Variants in MCMBP observed in about 807,000 individuals in gnomAD.
MCMBP encodes the protein minichromosome maintenance complex binding protein.
MCMBP carries 31 observed loss-of-function variants against 81.3 expected under a neutral mutation model. The ratio of observed to expected loss-of-function variants is 0.38; its 90% CI spans 0.29 to 0.51. MCMBP has a LOEUF of 0.51. MCMBP is among the 20% of genes least tolerant of loss of function. The pLI is 0.87. For synonymous variants in MCMBP, 267 were observed against 275.9 expected (o/e 0.97, Z 0.32); for missense variants, 645 against 772.1 (o/e 0.84, Z 1.95).
chr10:119,843,767 T>G (rs1421782790), intron 8 of MCMBP, among the ~76,000 whole-genome samples: 1 of 152,172 alleles, frequency 6.6e-6, no homozygotes, highest in Non-Finnish European at 1.5e-5. Context: ...GTTCAAGCGA[T>G]TCTCATGCCT....
At chr10:119,839,690 A>G (rs1331970622) in intron 11 of MCMBP, among the ~76,000 whole-genome samples, 1 of 152,234 alleles carries the variant, frequency 6.6e-6, no homozygotes, top group African/African-American at 2.4e-5. Flanking sequence ...TGCGAGACTA[A>G]TGAATTTTAC....
chr10:119,872,309 G>C (rs1343185046), intron 1 of MCMBP, among the ~76,000 whole-genome samples: 3 of 151,896 alleles, frequency 2.0e-5, no homozygotes, highest in Non-Finnish European at 4.4e-5. Flanking sequence ...GCTGCGACTC[G>C]GGCAGGTGGG....
At position 119,832,779 on chromosome 10, in the gene MCMBP, T is replaced by G. The variant is rs988492298; in HGVS notation, c.1708-679A>C. Among the ~76,000 whole-genome samples the G allele has an allele frequency of 4.3e-4, 66 of 152,176 alleles. 2 individuals carry two copies. The highest frequency in any genetic ancestry group is 4.3e-3 in the Admixed American group (66 of 15,276). On this transcript the variant is annotated intron_variant, in intron 14 of 15. Coordinates refer to ENST00000369077, the MANE Select transcript of MCMBP (RefSeq NM_001256378.2). ...GAACCACCTCTTTCCCCAGGGCATT[T>G]ATCAAAAACAATCGGAAGAAATTAC...
chr10:119,837,490 A>G (rs1852287116), intron 12 of MCMBP, among the ~76,000 whole-genome samples: 1 of 152,158 alleles, frequency 6.6e-6, no homozygotes, highest in South Asian at 2.1e-4. Context: ...AATTGTCTTC[A>G]TTTGAGCACT....
At chr10:119,852,948 G>A in intron 6 of MCMBP, 102 bp downstream of exon 6, 1 of 1,356,412 alleles carries the variant, frequency 7.4e-7, no homozygotes, top group Non-Finnish European at 1.0e-6. Context: ...CTGATAAATT[G>A]CCAGCTCCTA....
intron 1 of MCMBP, among the ~76,000 whole-genome samples, chr10:119,872,284 C>G (rs1019237486): frequency 6.6e-6 from 1 of 152,054 alleles, no homozygotes; most frequent in Non-Finnish European, 1.5e-5. Flanking sequence ...ACGACTTCAC[C>G]TTGGCGGCTC....
intron 8 of MCMBP, among the ~76,000 whole-genome samples, chr10:119,846,492 A>G (rs897682410): frequency 4.6e-5 from 7 of 152,206 alleles, no homozygotes; most frequent in African/African-American, 1.7e-4. Context: ...GAGAAACTGG[A>G]TATTTATGTC....
chr10:119,835,788 C>A, intron 13 of MCMBP, 84 bp from the exon 14 acceptor site: 1 of 1,394,888 alleles, frequency 7.2e-7, no homozygotes. Context: ...TCTCTGTCAG[C>A]CCCTATGGGA....
intron 1 of MCMBP, among the ~76,000 whole-genome samples, chr10:119,862,408 T>A (rs1476927989): frequency 2.0e-5 from 3 of 152,176 alleles, no homozygotes; most frequent in African/African-American, 7.2e-5. Context: ...TATGTATCCT[T>A]ACCATATTGC....
intron 8 of MCMBP, among the ~76,000 whole-genome samples, chr10:119,844,354 A>T (rs35300378): frequency 0.055 from 8,408 of 152,314 alleles, 426 homozygotes; most frequent in South Asian, 0.27. Flanking sequence ...CTGAAGTAAT[A>T]AATTCATACT....
chr10:119,839,388 G>C (rs541230229), intron 11 of MCMBP, among the ~76,000 whole-genome samples: 2 of 152,314 alleles, frequency 1.3e-5, no homozygotes, highest in South Asian at 4.1e-4. Flanking sequence ...GGATGGAGAA[G>C]AGGGTATGGT....
At chr10:119,841,138 G>A in intron 10 of MCMBP, among the ~76,000 whole-genome samples, 178 bp from the exon 11 acceptor site, 1 of 152,212 alleles carries the variant, frequency 6.6e-6, no homozygotes, top group Non-Finnish European at 1.5e-5. Flanking sequence ...GTACGTAAGT[G>A]CTGCTGGTCA....
intron 6 of MCMBP, among the ~76,000 whole-genome samples, chr10:119,850,665 C>T (rs1852779523): frequency 6.8e-6 from 1 of 146,032 alleles, no homozygotes; most frequent in African/African-American, 2.5e-5. Context: ...AGGAGAATGG[C>T]GTGAACCCAG....
chr10:119,846,671 C>T (rs146040929), intron 8 of MCMBP, among the ~76,000 whole-genome samples: 1 of 152,300 alleles, frequency 6.6e-6, no homozygotes, highest in Non-Finnish European at 1.5e-5. Context: ...GAGGATACAT[C>T]AATTCTGTAA....
At chr10:119,856,848 G>A (rs577739098) in intron 5 of MCMBP, among the ~76,000 whole-genome samples, 2 of 151,986 alleles carry the variant, frequency 1.3e-5, no homozygotes, top group African/African-American at 4.8e-5. Context: ...CTTAGGCGGA[G>A]CATGCACTCT....
Position 119,831,256 on chromosome 10 carries a change from A to ATTAT in MCMBP, c.*214_*217dup, listed in dbSNP as rs1852023887. 1 of 316,704 alleles carries ATTAT rather than the reference A, an allele frequency of 3.2e-6. No individual in the cohort carries two copies. Among genetic ancestry groups the ATTAT allele is most frequent in the Non-Finnish European group, 5.7e-6 (1 of 175,862 alleles). The allele number at this position is 316,704 out of a possible 1,614,324, so 19.6% of individuals were successfully genotyped here. A position where few individuals can be genotyped will look rare whatever the true frequency, so the allele number is the denominator to read the frequency against. On this transcript the variant is annotated 3_prime_UTR_variant, in exon 16 of 16. Transcript: ENST00000369077. ...TTTTACATCATTACTAATTTATATAATTATTATAAAACAAACTTCAAAAGC... is the reference window on the plus strand; with the variant it reads ...TTTTACATCATTACTAATTTATATAATTATTTATTATAAAACAAACTTCAAAAGC...
rs1432758390 is a variant in MCMBP, at chr10:119,864,060, TGGAA to T, written c.59-4180_59-4177del. On this transcript the variant is annotated intron_variant, in intron 1 of 15. Coordinates refer to ENST00000369077, the MANE Select transcript of MCMBP (RefSeq NM_001256378.2). ...ATGTAATCACAACGGTCCTTAAATG[TGGAA>T]GGATGTGGCAAAAGAGGAAGTTAGA... is the stretch of plus-strand genomic sequence containing the variant. Among the ~76,000 whole-genome samples the T allele has an allele frequency of 2.6e-5, 4 of 151,544 alleles. No homozygotes were observed. The East Asian group carries it at 7.7e-4, about 29-fold the overall frequency.
intron 1 of MCMBP, 59 bp downstream of exon 1, chr10:119,872,468 C>T: frequency 2.8e-6 from 3 of 1,068,278 alleles, no homozygotes; most frequent in Non-Finnish European, 3.5e-6. Flanking sequence ...CGGGGCCCTG[C>T]CCCGGGGCCC....
intron 7 of MCMBP, among the ~76,000 whole-genome samples, chr10:119,848,262 G>A (rs1852687851): frequency 6.6e-6 from 1 of 152,096 alleles, no homozygotes; most frequent in Non-Finnish European, 1.5e-5. Context: ...GCAAGGCAGG[G>A]GAAAAAATGG....
Sources: allele counts gnomAD v4.1 joint callset (sites outside exome capture counted in the v4.1 genomes callset), GRCh38; gene constraint gnomAD v4.1.1; transcripts MANE v1.5; gene names NCBI Gene and HGNC (gene_info 2026-07-23, HGNC 2026-07-21).